Variants in SINHCAF observed in about 807,000 individuals in gnomAD.
The protein encoded by SINHCAF is SIN3-HDAC complex associated factor.
A neutral mutation model predicts 25.8 loss-of-function variants in SINHCAF; 3 were observed. The ratio of observed to expected loss-of-function variants is 0.12; its 90% confidence interval spans 0.05 to 0.30. SINHCAF has a LOEUF of 0.30. SINHCAF is among the 10% of genes least tolerant of loss of function. SINHCAF has a pLI of 1.00. For missense variants in SINHCAF, 121 were observed against 262.3 expected, an observed-to-expected ratio of 0.46 and a Z score of 3.72; for synonymous variants, 70 against 85.5, an observed-to-expected ratio of 0.82 and a Z score of 1.00.
intron 1 of SINHCAF, among the ~76,000 whole-genome samples, chr12:31,307,721 A>C (rs1002235579): frequency 6.6e-6 from 1 of 152,336 alleles, no homozygotes; most frequent in South Asian, 2.1e-4. Flanking sequence ...GAATGAAGGC[A>C]GTAAGGGAGA....
intron 1 of SINHCAF, chr12:31,303,246 T>C (rs1428102908): frequency 5.1e-6 from 5 of 984,176 alleles, no homozygotes; most frequent in Non-Finnish European, 4.8e-6. Flanking sequence ...TTTCCCCCTT[T>C]TGATCAAAAT....
intron 5 of SINHCAF, among the ~76,000 whole-genome samples, chr12:31,285,605 A>G (rs1003550799): frequency 6.6e-6 from 1 of 152,124 alleles, no homozygotes; most frequent in African/African-American, 2.4e-5. Context: ...ATCCTGCTCT[A>G]CTTACTATGT....
chr12:31,306,531 T>C (rs1299006340), intron 1 of SINHCAF, among the ~76,000 whole-genome samples: 2 of 152,194 alleles, frequency 1.3e-5, no homozygotes, highest in African/African-American at 4.8e-5. Flanking sequence ...GGTAGATCTT[T>C]CTTCGATGAA....
At chr12:31,297,629 C>T (rs868235866) in intron 2 of SINHCAF, among the ~76,000 whole-genome samples, 1 of 151,674 alleles carries the variant, frequency 6.6e-6, no homozygotes, top group African/African-American at 2.4e-5. Flanking sequence ...TGCACCACCA[C>T]GCCCAGCTTA....
rs1939887726 is a variant in SINHCAF, at chr12:31,324,769, A to T, written c.-21+1255T>A. Reference sequence around the variant, plus strand: ...GTAGGGGTCCGGACCCCGCGCCCCGAAGAGTCCGGAGCCTGGCCCCCCGAC... The same window carrying T: ...GTAGGGGTCCGGACCCCGCGCCCCGTAGAGTCCGGAGCCTGGCCCCCCGAC... On this transcript the variant is annotated intron_variant, in intron 1 of 5. Coordinates refer to ENST00000337682, the MANE Select transcript of SINHCAF (RefSeq NM_001135812.2). This position sits in a 1 kb window ranked among gnomAD's most constrained non-coding sequence, Gnocchi z 5.5. The T allele has an allele frequency of 2.8e-6, 1 of 354,498 alleles. No homozygotes were observed. The highest frequency in any genetic ancestry group is 2.1e-5 in the African/African-American group (1 of 46,636). 22.0% of individuals were successfully genotyped at this position (354,498 alleles called of 1,614,324 possible).
At chr12:31,299,899 T>A (rs1938716698) in intron 1 of SINHCAF, among the ~76,000 whole-genome samples, 1 of 152,192 alleles carries the variant, frequency 6.6e-6, no homozygotes, top group African/African-American at 2.4e-5. Context: ...TTATACAGCG[T>A]GTGACGGTAC....
chr12:31,285,676 G>A (rs1366166482), intron 5 of SINHCAF, among the ~76,000 whole-genome samples: 1 of 151,812 alleles, frequency 6.6e-6, no homozygotes. Context: ...TCACAGAATT[G>A]TCATAAAGAC....
rs953315177 is a variant in SINHCAF, at chr12:31,281,553, C to T, written c.*1159G>A. 3 of 152,138 alleles carry T rather than the reference C, an allele frequency of 2.0e-5. No individual in the cohort carries two copies. Among genetic ancestry groups the T allele is most frequent in the African/African-American group, 7.2e-5 (3 of 41,410 alleles). 9.4% of individuals were successfully genotyped at this position (152,138 alleles called of 1,614,324 possible). A position where few individuals can be genotyped will look rare whatever the true frequency, so the allele number is the denominator to read the frequency against. On this transcript the variant is annotated 3_prime_UTR_variant, in exon 6 of 6. Coordinates refer to ENST00000337682, the MANE Select transcript of SINHCAF (RefSeq NM_001135812.2). ...GAAGTCATGTAACACAAACAAAAGT[C>T]GATTATATTTACACACTCAGCAAGC...
intron 2 of SINHCAF, among the ~76,000 whole-genome samples, chr12:31,297,788 A>T (rs1372780964): frequency 6.6e-6 from 1 of 152,034 alleles, no homozygotes; most frequent in African/African-American, 2.4e-5. Flanking sequence ...TAATTTTTTT[A>T]AAAGCCTTTT....
chr12:31,309,947 G>A (rs546641756), intron 1 of SINHCAF, among the ~76,000 whole-genome samples: 17 of 152,208 alleles, frequency 1.1e-4, no homozygotes, highest in Non-Finnish European at 2.4e-4. Context: ...GATTACAAGC[G>A]TGAGCCACCG....
intron 1 of SINHCAF, among the ~76,000 whole-genome samples, chr12:31,299,167 C>T (rs1218065187): frequency 6.6e-6 from 1 of 152,072 alleles, no homozygotes; most frequent in African/African-American, 2.4e-5. Context: ...CAAGGGCCAG[C>T]TCACCAAAAC....
At chr12:31,320,279 A>G (rs1470042005) in intron 1 of SINHCAF, among the ~76,000 whole-genome samples, 1 of 152,152 alleles carries the variant, frequency 6.6e-6, no homozygotes, top group East Asian at 1.9e-4. Context: ...AGGAGTGTCA[A>G]ACAAACTTTA....
chr12:31,309,868 T>C (rs1939196558), intron 1 of SINHCAF, among the ~76,000 whole-genome samples: 1 of 152,084 alleles, frequency 6.6e-6, no homozygotes, highest in Non-Finnish European at 1.5e-5. Flanking sequence ...GGTTTTTCCA[T>C]GTTGGTCAGG....
At chr12:31,302,022 A>C (rs993369243) in intron 1 of SINHCAF, among the ~76,000 whole-genome samples, 6 of 152,184 alleles carry the variant, frequency 3.9e-5, no homozygotes, top group African/African-American at 7.2e-5. Flanking sequence ...CTATCTGTGA[A>C]TTTTGCCTCT....
Position 31,293,795 on chromosome 12 carries a change from T to C in SINHCAF, c.355+10A>G, listed in dbSNP as rs777407253. On this transcript the variant is annotated intron_variant, in intron 4 of 5. Coordinates refer to ENST00000337682, the MANE Select transcript of SINHCAF (RefSeq NM_001135812.2). ...ATTATTAAGTACTAATGTTGTAATA[T>C]CAAACTTACTATGACGTTTAAATTC... The C allele has an allele frequency of 1.9e-6, 3 of 1,597,252 alleles. No individual in the cohort carries two copies. Among genetic ancestry groups the C allele is most frequent in the Non-Finnish European group, 2.6e-6 (3 of 1,175,492 alleles).
At chr12:31,293,329 C>T (rs1321810998) in intron 4 of SINHCAF, among the ~76,000 whole-genome samples, 1 of 152,156 alleles carries the variant, frequency 6.6e-6, no homozygotes, top group Non-Finnish European at 1.5e-5. Context: ...CATTCTATCA[C>T]ACAACACACA....
At chr12:31,287,145 T>C (rs1210264759) in intron 5 of SINHCAF, among the ~76,000 whole-genome samples, 1 of 152,144 alleles carries the variant, frequency 6.6e-6, no homozygotes, top group Admixed American at 6.5e-5. Flanking sequence ...TTTAGCAACA[T>C]GTCTTTTTTC....
chr12:31,300,206 T>C (rs1938728441), intron 1 of SINHCAF, among the ~76,000 whole-genome samples: 1 of 152,254 alleles, frequency 6.6e-6, no homozygotes, highest in Non-Finnish European at 1.5e-5. Context: ...TTTTGAAATA[T>C]AGACAGAGGT....
At chr12:31,305,530 G>A (rs1938986692) in intron 1 of SINHCAF, among the ~76,000 whole-genome samples, 1 of 152,054 alleles carries the variant, frequency 6.6e-6, no homozygotes, top group Admixed American at 6.6e-5. Flanking sequence ...GCCTAGCAGA[G>A]GTGAAAAGCC....
Sources: allele counts gnomAD v4.1 joint callset (sites outside exome capture counted in the v4.1 genomes callset), GRCh38; gene constraint gnomAD v4.1.1; non-coding constraint Gnocchi (gnomAD v3.1); transcripts MANE v1.5; gene names NCBI Gene and HGNC (gene_info 2026-07-23, HGNC 2026-07-21).